Variants in SV2C observed in about 807,000 individuals in gnomAD.
The protein encoded by SV2C is solute carrier family 22 member B3.
Under a neutral mutation model 79.7 loss-of-function variants are expected in SV2C, and 49 were observed. The observed-to-expected ratio is 0.61, with a 90% CI of 0.49 to 0.78. SV2C has a LOEUF of 0.78. Ranked by LOEUF, SV2C falls within the 30% of genes least tolerant of loss-of-function variation. The pLI, the probability that SV2C is intolerant of heterozygous loss-of-function variation, is 0.00. For missense variants in SV2C, 833 were observed against 912.9 expected (o/e 0.91, Z 1.13); for synonymous variants, 334 against 333.2 (o/e 1.00, Z -0.03).
the SV2C span, among the ~76,000 whole-genome samples, chr5:76,035,373 T>C: frequency 6.6e-5 from 10 of 152,286 alleles, no homozygotes; most frequent in South Asian, 1.5e-3. Flanking sequence ...TCCTCCTTTC[T>C]CTTGTGGGCA....
At chr5:76,202,786 T>C (rs1744493333) in intron 3 of SV2C, among the ~76,000 whole-genome samples, 2 of 152,136 alleles carry the variant, frequency 1.3e-5, no homozygotes. Flanking sequence ...CTAGTCCAAG[T>C]TGAGATGTGT....
the SV2C span, among the ~76,000 whole-genome samples, chr5:76,024,823 T>C: frequency 1.1e-4 from 17 of 152,168 alleles, no homozygotes; most frequent in Admixed American, 1.1e-3. Context: ...AATCTGGGAA[T>C]AGCGTATTTT....
the SV2C span, among the ~76,000 whole-genome samples, chr5:75,927,618 C>G: frequency 6.6e-6 from 1 of 152,078 alleles, no homozygotes; most frequent in Non-Finnish European, 1.5e-5. Flanking sequence ...TTGCATACTT[C>G]TAAATGGAAG....
At chr5:76,031,584 C>A in the SV2C span, among the ~76,000 whole-genome samples, 1 of 152,156 alleles carries the variant, frequency 6.6e-6, no homozygotes, top group African/African-American at 2.4e-5. Flanking sequence ...AGGTGCTTAA[C>A]CCTCTCAAAC....
intron 2 of SV2C, among the ~76,000 whole-genome samples, chr5:76,161,935 C>A (rs932172906): frequency 2.6e-5 from 4 of 152,070 alleles, no homozygotes; most frequent in Non-Finnish European, 5.9e-5. Flanking sequence ...AGTGGTGGGA[C>A]CTTATCACCT....
chr5:76,128,497 T>C (rs1357734614), intron 1 of SV2C, among the ~76,000 whole-genome samples: 1 of 152,124 alleles, frequency 6.6e-6, no homozygotes, highest in Non-Finnish European at 1.5e-5. Flanking sequence ...GTGAGGCAGA[T>C]GAAGATAAGG....
the SV2C span, among the ~76,000 whole-genome samples, chr5:76,049,024 A>AAAGAAAGAAAGAAAGAGAG: frequency 1.7e-5 from 2 of 120,520 alleles, 1 homozygote; most frequent in Non-Finnish European, 3.5e-5. Flanking sequence ...AGAAAGAAAG[A>AAAGAAAGAAAGAAAGAGAG]AAAAGAAAAG....
intron 2 of SV2C, among the ~76,000 whole-genome samples, chr5:76,150,867 G>A (rs957080163): frequency 1.3e-5 from 2 of 151,338 alleles, no homozygotes; most frequent in African/African-American, 4.9e-5. Context: ...CTTGAACTCC[G>A]AGCCTCAAGT....
chr5:76,160,847 TA>T (rs1336957039), intron 2 of SV2C, among the ~76,000 whole-genome samples: 1 of 152,136 alleles, frequency 6.6e-6, no homozygotes, highest in Admixed American at 6.5e-5. Flanking sequence ...TCAAGGCCCC[TA>T]GGATGGCTTG....
At chr5:75,924,764 A>G in the SV2C span, among the ~76,000 whole-genome samples, 1 of 152,058 alleles carries the variant, frequency 6.6e-6, no homozygotes, top group Admixed American at 6.5e-5. Flanking sequence ...ATACATATAT[A>G]TATATATTCA....
Position 76,266,790 on chromosome 5 carries a change from A to T in SV2C, c.914-18372A>T, listed in dbSNP as rs1404889920. ...ACTTAATGCCACAGAATTATACAGT[A>T]AAAAAAAAAAAGGTTAAAATGGGAA... On this transcript the variant is annotated intron_variant, in intron 4 of 12. Transcript: ENST00000502798. Among the ~76,000 whole-genome samples, 13 of 55,350 alleles carry T rather than the reference A, an allele frequency of 2.3e-4. No homozygotes were observed. In the East Asian group the frequency reaches 8.1e-3, roughly 34 times the overall value. The allele number at this position is 55,350 out of a possible 152,430, so 36.3% of individuals were successfully genotyped here.
intron 4 of SV2C, among the ~76,000 whole-genome samples, chr5:76,254,970 T>C (rs926761766): frequency 2.0e-5 from 3 of 152,208 alleles, no homozygotes; most frequent in Admixed American, 6.5e-5. Flanking sequence ...ATAAATCCTC[T>C]CTCCACCCCA....
the SV2C span, among the ~76,000 whole-genome samples, chr5:75,901,870 G>A: frequency 3.3e-5 from 5 of 152,236 alleles, no homozygotes; most frequent in Non-Finnish European, 2.9e-5. Flanking sequence ...GTGAGACTCC[G>A]TGGGCATAGG....
chr5:75,899,434 T>C, the SV2C span, among the ~76,000 whole-genome samples: 2 of 152,288 alleles, frequency 1.3e-5, no homozygotes, highest in East Asian at 3.9e-4. Flanking sequence ...GTCTGAGAGA[T>C]AGTTTGTTAT....
chr5:76,303,579 G>A (rs928413820), intron 12 of SV2C, among the ~76,000 whole-genome samples: 13 of 152,120 alleles, frequency 8.5e-5, no homozygotes, highest in African/African-American at 2.9e-4. Context: ...AGAATCAGCT[G>A]CTTATCCCTC....
intron 4 of SV2C, chr5:76,281,308 G>C (rs1333065055): frequency 4.3e-6 from 2 of 460,094 alleles, no homozygotes; most frequent in Admixed American, 5.5e-5. Context: ...TTAATGGAAC[G>C]ATTCTAGGAC....
chr5:76,172,343 G>C (rs1168004122), intron 2 of SV2C, among the ~76,000 whole-genome samples: 21 of 86,946 alleles, frequency 2.4e-4, no homozygotes, highest in Admixed American at 8.5e-4. Context: ...GGAGGTGAGG[G>C]GCGCCTCTGC....
At chr5:75,853,607 C>CAAAAA in the SV2C span, among the ~76,000 whole-genome samples, 199 of 28,468 alleles carry the variant, frequency 7.0e-3, 15 homozygotes, top group African/African-American at 0.019. Flanking sequence ...GACTCCGTCT[C>CAAAAA]AAAAAAAAAA....
chr5:76,147,713 A>G (rs1316956296), intron 2 of SV2C, among the ~76,000 whole-genome samples: 1 of 152,212 alleles, frequency 6.6e-6, no homozygotes, highest in Non-Finnish European at 1.5e-5. Context: ...TAAAATCATC[A>G]TTAGATTAAA....
Sources: gnomAD v4.1 joint callset for allele counts (sites outside exome capture counted in the v4.1 genomes callset) on GRCh38, gnomAD v4.1.1 for gene constraint, MANE v1.5 for transcripts, NCBI Gene and HGNC (gene_info 2026-07-23, HGNC 2026-07-21) for gene names.